The following KAZN variants were observed in gnomAD, a reference collection of about 807,000 sequenced individuals.
The protein encoded by KAZN is kazrin, periplakin interacting protein, also known as kazrin.
In KAZN, 40 loss-of-function variants were observed where a neutral mutation model predicts 87.4. The observed-to-expected ratio is 0.46, with a 90% CI of 0.36 to 0.60. The LOEUF (loss-of-function observed/expected upper bound fraction) is 0.60. KAZN is among the 20% of genes least tolerant of loss of function. The pLI is 0.00. For synonymous variants in KAZN, 466 were observed against 458.3 expected (o/e 1.02, Z -0.22); for missense variants, 898 against 1,073.9 (o/e 0.84, Z 2.29).
chr1:14,668,938 A>G (rs988321429), intron 1 of KAZN, among the ~76,000 whole-genome samples: 2 of 152,256 alleles, frequency 1.3e-5, no homozygotes, highest in Non-Finnish European at 2.9e-5. Flanking sequence ...CAGTACATAG[A>G]ATAGAAACCA....
chr1:14,400,852 A>G (rs1663340447), intron 2 of KAZN, among the ~76,000 whole-genome samples: 1 of 152,218 alleles, frequency 6.6e-6, no homozygotes, highest in South Asian at 2.1e-4. Flanking sequence ...GGTTAAAAAT[A>G]AAAGTAGTTT....
chr1:14,087,881 A>G (rs1490191831), intron 1 of KAZN, among the ~76,000 whole-genome samples: 3 of 151,642 alleles, frequency 2.0e-5, no homozygotes, highest in Non-Finnish European at 2.9e-5. Flanking sequence ...TTGCATCTAT[A>G]CTTTTGAGAA....
chr1:15,004,487 T>G (rs1057194675), intron 2 of KAZN, among the ~76,000 whole-genome samples: 1 of 152,246 alleles, frequency 6.6e-6, no homozygotes, highest in African/African-American at 2.4e-5. Flanking sequence ...TCTCAGAACC[T>G]GAGTTGCCTC....
intron 1 of KAZN, among the ~76,000 whole-genome samples, chr1:14,752,754 C>T (rs1644447739): frequency 6.6e-6 from 1 of 152,128 alleles, no homozygotes; most frequent in Non-Finnish European, 1.5e-5. Context: ...GGAGGGGGGA[C>T]ACATTCAGAC....
intron 1 of KAZN, among the ~76,000 whole-genome samples, chr1:14,715,486 G>A (rs1239698541): frequency 1.3e-5 from 2 of 152,200 alleles, no homozygotes; most frequent in Admixed American, 1.3e-4. Flanking sequence ...GTTGGAAGCC[G>A]GCAGCGCACA....
intron 1 of KAZN, among the ~76,000 whole-genome samples, chr1:14,004,691 G>A (rs1437487360): frequency 8.9e-6 from 1 of 112,956 alleles, no homozygotes; most frequent in Non-Finnish European, 2.0e-5. Context: ...TATGATTTGT[G>A]CACTTTTGTA....
Position 15,077,623 on chromosome 1 carries a change from T to G in KAZN, c.1222+11870T>G, listed in dbSNP as rs1247379375. 6.6e-6 allele frequency among the ~76,000 whole-genome samples: 1 copy of G among 152,208 alleles called. No individual in the cohort carries two copies. Among genetic ancestry groups the G allele is most frequent in the African/African-American group, 2.4e-5 (1 of 41,442 alleles). ...CACGTGACTCAGTTGTTTTTTATAG[T>G]CACTACCGGAGTCTCTGGGACTCAG... On this transcript the variant is annotated intron_variant, in intron 8 of 14. Coordinates refer to ENST00000376030, the MANE Select transcript of KAZN (RefSeq NM_201628.3). This position sits in a 1 kb window ranked among gnomAD's most constrained non-coding sequence, Gnocchi z 4.8.
At chr1:14,745,723 C>T (rs1307150051) in intron 1 of KAZN, among the ~76,000 whole-genome samples, 1 of 152,060 alleles carries the variant, frequency 6.6e-6, no homozygotes, top group East Asian at 1.9e-4. Flanking sequence ...GAATTATTAC[C>T]GCTAATAAGA....
intron 8 of KAZN, among the ~76,000 whole-genome samples, chr1:15,088,385 G>A (rs1640367766): frequency 2.0e-5 from 3 of 151,980 alleles, no homozygotes; most frequent in Admixed American, 2.0e-4. Context: ...GTGGGGGGGT[G>A]TGCATGCGTG....
chr1:14,253,247 C>A (rs6668555), intron 2 of KAZN, among the ~76,000 whole-genome samples: 1 of 151,754 alleles, frequency 6.6e-6, no homozygotes, highest in Non-Finnish European at 1.5e-5. Context: ...CATATTATTA[C>A]GATTATAATA....
At chr1:14,241,745 G>A (rs868658547) in intron 2 of KAZN, among the ~76,000 whole-genome samples, 1 of 152,146 alleles carries the variant, frequency 6.6e-6, no homozygotes, top group African/African-American at 2.4e-5. Context: ...GAGATATGCT[G>A]TATTGAAGAG....
chr1:14,376,084 G>T (rs543606942), intron 2 of KAZN, among the ~76,000 whole-genome samples: 1 of 152,214 alleles, frequency 6.6e-6, no homozygotes, highest in East Asian at 1.9e-4. Context: ...GAAAAGAGGA[G>T]TGTTCATGGA....
Position 14,068,799 on chromosome 1 carries a change from C to CT in KAZN, c.92-111619dup, listed in dbSNP as rs5772562. Among the ~76,000 whole-genome samples the CT allele has an allele frequency of 7.8e-3, 1,068 of 136,768 alleles. 4 individuals carry two copies. The highest frequency in any genetic ancestry group is 0.033 in the Middle Eastern group (9 of 272). 89.7% of individuals were successfully genotyped at this position (136,768 alleles called of 152,430 possible). ...AGGAAGCAAGAAGTTGTTGAGTTCTCTTTTTTTTTTTTTTTTTGAGACGGA... is the reference window on the plus strand; with the variant it reads ...AGGAAGCAAGAAGTTGTTGAGTTCTCTTTTTTTTTTTTTTTTTTGAGACGGA... On this transcript the variant is annotated intron_variant, in intron 1 of 16. Coordinates refer to the KAZN transcript ENST00000636203.
At chr1:14,413,593 GAAA>G (rs1169921344) in intron 2 of KAZN, among the ~76,000 whole-genome samples, 71 of 66,088 alleles carry the variant, frequency 1.1e-3, no homozygotes, top group East Asian at 2.0e-3. Context: ...CGTCTCAAAA[GAAA>G]AAAAAAAAAA....
intron 2 of KAZN, among the ~76,000 whole-genome samples, chr1:14,570,497 G>C (rs6704110): frequency 0.015 from 2,286 of 152,274 alleles, 55 homozygotes; most frequent in African/African-American, 0.052. Flanking sequence ...TACAACTGGT[G>C]TTCTTTTATA....
At chr1:14,851,418 C>T (rs570200796) in intron 1 of KAZN, among the ~76,000 whole-genome samples, 6 of 152,350 alleles carry the variant, frequency 3.9e-5, no homozygotes, top group African/African-American at 1.4e-4. Flanking sequence ...GCTGCGATAG[C>T]CCCTGGAGCA....
intron 2 of KAZN, among the ~76,000 whole-genome samples, chr1:14,337,423 T>C (rs1657347401): frequency 6.6e-6 from 1 of 152,238 alleles, no homozygotes; most frequent in Non-Finnish European, 1.5e-5. Context: ...GAGGAAAATA[T>C]GTTTAGAACC....
intron 1 of KAZN, among the ~76,000 whole-genome samples, chr1:14,012,407 T>C (rs1640356409): frequency 6.6e-6 from 1 of 152,208 alleles, no homozygotes; most frequent in South Asian, 2.1e-4. Flanking sequence ...GTGTCAACAA[T>C]ATCCAATTGC....
At chr1:14,691,855 G>T (rs370551768) in intron 1 of KAZN, among the ~76,000 whole-genome samples, 2 of 151,474 alleles carry the variant, frequency 1.3e-5, no homozygotes, top group African/African-American at 2.4e-5. Flanking sequence ...TCTCCATCCA[G>T]CAAGCACCTG....
Sources: allele counts gnomAD v4.1 joint callset (sites outside exome capture counted in the v4.1 genomes callset), GRCh38; gene constraint gnomAD v4.1.1; non-coding constraint Gnocchi (gnomAD v3.1); transcripts MANE v1.5; gene names NCBI Gene and HGNC (gene_info 2026-07-23, HGNC 2026-07-21).